Variants in SHB observed in about 807,000 individuals in gnomAD.
SHB encodes the protein SH2 domain containing adaptor protein B, also known as SH2 domain-containing adapter protein B.
A neutral mutation model predicts 52.3 loss-of-function variants in SHB; 20 were observed. The observed-to-expected ratio is 0.38, with a 90% CI of 0.27 to 0.56. SHB has a LOEUF of 0.56. SHB is among the 20% of genes least tolerant of loss of function. SHB has a pLI of 0.71. For synonymous variants in SHB, 397 were observed against 316.5 expected, an observed-to-expected ratio of 1.25 and a Z score of -2.70; for missense variants, 825 against 723.3, an observed-to-expected ratio of 1.14 and a Z score of -1.61.
At chr9:38,012,286 C>T (rs1821150060) in intron 2 of SHB, among the ~76,000 whole-genome samples, 1 of 152,188 alleles carries the variant, frequency 6.6e-6, no homozygotes, top group South Asian at 2.1e-4. Flanking sequence ...GAATGCTCCA[C>T]ATGATGGTTC....
intron 1 of SHB, among the ~76,000 whole-genome samples, chr9:38,055,259 G>A (rs964309382): frequency 5.9e-5 from 9 of 152,254 alleles, no homozygotes; most frequent in South Asian, 2.1e-4. Context: ...AACACTCCAC[G>A]ACTTAATCTT....
chr9:37,967,928 T>G (rs1820548378), intron 3 of SHB, among the ~76,000 whole-genome samples: 1 of 152,206 alleles, frequency 6.6e-6, no homozygotes, highest in Admixed American at 6.5e-5. Context: ...CGGGAGGGAC[T>G]GAGTAAAGAA....
intron 2 of SHB, among the ~76,000 whole-genome samples, chr9:37,987,398 G>A (rs1370795170): frequency 6.6e-6 from 1 of 152,160 alleles, no homozygotes; most frequent in African/African-American, 2.4e-5. Context: ...AAGCAGTCTG[G>A]CTCCAAAGTC....
At chr9:38,009,892 T>C (rs964003752) in intron 2 of SHB, among the ~76,000 whole-genome samples, 1 of 152,284 alleles carries the variant, frequency 6.6e-6, no homozygotes, top group African/African-American at 2.4e-5. Flanking sequence ...AAGGACTTTT[T>C]AATGTGTAAT....
Position 38,068,595 on chromosome 9 carries a change from C to G in SHB, c.51G>C (p.Lys17Asn). 6 of 1,495,004 alleles carry G rather than the reference C, an allele frequency of 4.0e-6. No homozygotes were observed. Among genetic ancestry groups the G allele is most frequent in the Non-Finnish European group, 5.3e-6 (6 of 1,133,654 alleles). 92.6% of individuals were successfully genotyped at this position (1,495,004 alleles called of 1,614,324 possible). A position where few individuals can be genotyped will look rare whatever the true frequency, so the allele number is the denominator to read the frequency against. ...CTGGCCGCGGCGGCTGCGGGGGGCTCTTGGTCTTGCTGTTGCCCAAGCTGA... is the reference window on the plus strand; with the variant it reads ...CTGGCCGCGGCGGCTGCGGGGGGCTGTTGGTCTTGCTGTTGCCCAAGCTGA... ...KYFSLGNSKT[K>N]SPPQPPRPDY... is the part of the protein sequence containing the mutation. The change falls in exon 1 of 6, where the codon AAG (lysine) becomes AAC (asparagine). Residue 17 changes from lysine (K) to asparagine (N), a missense_variant. Lys to Asn is a moderately conservative substitution (Grantham distance 94). Coordinates refer to ENST00000377707, the MANE Select transcript of SHB (RefSeq NM_003028.3).
chr9:37,969,147 G>A (rs1002847246), intron 3 of SHB, among the ~76,000 whole-genome samples: 14 of 152,196 alleles, frequency 9.2e-5, no homozygotes, highest in Admixed American at 1.3e-4. Flanking sequence ...AAGGGCATGC[G>A]ATACCTCTTG....
At chr9:37,958,755 T>C (rs551984883) in intron 3 of SHB, among the ~76,000 whole-genome samples, 1 of 152,316 alleles carries the variant, frequency 6.6e-6, no homozygotes, top group South Asian at 2.1e-4. Context: ...ACCACCAGCA[T>C]CTACCCCTCG....
intron 1 of SHB, among the ~76,000 whole-genome samples, chr9:38,036,700 C>T (rs1472830053): frequency 1.3e-5 from 2 of 152,194 alleles, no homozygotes; most frequent in Non-Finnish European, 2.9e-5. Context: ...CTCCATTGAG[C>T]CACAGGACAG....
intron 2 of SHB, among the ~76,000 whole-genome samples, chr9:37,985,448 C>G (rs1479968829): frequency 6.6e-6 from 1 of 152,242 alleles, no homozygotes; most frequent in Non-Finnish European, 1.5e-5. Flanking sequence ...TCCATTAGCC[C>G]TACCATCACT....
intron 2 of SHB, among the ~76,000 whole-genome samples, chr9:37,998,125 C>T (rs576778742): frequency 2.0e-5 from 3 of 151,826 alleles, no homozygotes; most frequent in South Asian, 2.1e-4. Flanking sequence ...AAGGGGAGCG[C>T]GACGGGGATT....
intron 2 of SHB, among the ~76,000 whole-genome samples, chr9:37,995,463 T>C (rs986542343): frequency 6.6e-6 from 1 of 152,074 alleles, no homozygotes; most frequent in African/African-American, 2.4e-5. Flanking sequence ...TTCCCAGCTC[T>C]GGCCACTGTC....
At position 38,068,377 on chromosome 9, in the gene SHB, C is replaced by T. The variant is rs778965735; in HGVS notation, c.269G>A (p.Arg90Gln). ...CCCGTTGTAGGGGTCCTCGAAGTCTCGCTCCTTCTGCGCGCGGTAGGCGCG... is the reference window on the plus strand; with the variant it reads ...CCCGTTGTAGGGGTCCTCGAAGTCTTGCTCCTTCTGCGCGCGGTAGGCGCG... ...LIRAYRAQKE[R>Q]DFEDPYNGPG... The change falls in exon 1 of 6, where the codon CGA becomes CAA. Residue 90 changes from arginine (R) to glutamine (Q), a missense_variant. Arg to Gln is a conservative substitution (Grantham distance 43). Coordinates refer to ENST00000377707, the MANE Select transcript of SHB (RefSeq NM_003028.3). 5.0e-5 allele frequency: 79 copies of T among 1,576,116 alleles called. No individual in the cohort carries two copies. Among genetic ancestry groups the T allele is most frequent in the Non-Finnish European group, 6.6e-5 (77 of 1,164,632 alleles).
intron 2 of SHB, among the ~76,000 whole-genome samples, chr9:37,997,689 T>G (rs2118031324): frequency 6.6e-6 from 1 of 152,238 alleles, no homozygotes; most frequent in South Asian, 2.1e-4. Context: ...ATCTTTGTGG[T>G]TGGCCTTCTG....
At chr9:37,977,320 G>T (rs115075265) in intron 2 of SHB, among the ~76,000 whole-genome samples, 2,122 of 152,280 alleles carry the variant, frequency 0.014, 42 homozygotes, top group African/African-American at 0.048. Flanking sequence ...GCAAGTGTTG[G>T]AGAGCCACCG....
chr9:38,053,721 A>C (rs1821780200), intron 1 of SHB, among the ~76,000 whole-genome samples: 1 of 152,114 alleles, frequency 6.6e-6, no homozygotes, highest in Non-Finnish European at 1.5e-5. Context: ...GGGCAACCCC[A>C]CTGACTTTAC....
In SHB at chr9:37,916,481, G is replaced by A. The variant is rs1186295467; in HGVS notation, c.*3340C>T. ...TGTTCAGCATCTTACAAAGGGGGCCGCTGGTTCTGGGAATGGGCAGAGGGA... is the reference window on the plus strand; with the variant it reads ...TGTTCAGCATCTTACAAAGGGGGCCACTGGTTCTGGGAATGGGCAGAGGGA... On this transcript the variant is annotated 3_prime_UTR_variant, in exon 6 of 6. Coordinates refer to ENST00000377707, the MANE Select transcript of SHB (RefSeq NM_003028.3). Among the ~76,000 whole-genome samples, 2 of 152,214 alleles carry A rather than the reference G, an allele frequency of 1.3e-5. No individual in the cohort carries two copies. The highest frequency in any genetic ancestry group is 2.9e-5 in the Non-Finnish European group (2 of 68,036).
rs375523272 is a variant in SHB, at chr9:38,056,709, CCAA to C, written c.717+11217_717+11219del. On this transcript the variant is annotated intron_variant, in intron 1 of 5. Coordinates refer to ENST00000377707, the MANE Select transcript of SHB (RefSeq NM_003028.3). ...TTAAATAGAAAACAATTCATTGTAA[CCAA>C]CAACAATTGCCACATATAGAACCAA... Among the ~76,000 whole-genome samples the C allele has an allele frequency of 4.3e-4, 65 of 152,308 alleles. No individual in the cohort carries two copies. In the East Asian group the frequency reaches 0.01, roughly 24 times the overall value.
intron 2 of SHB, among the ~76,000 whole-genome samples, chr9:37,983,780 C>T (rs1350807716): frequency 1.3e-5 from 2 of 152,212 alleles, no homozygotes; most frequent in Non-Finnish European, 2.9e-5. Context: ...GCCCGAGACG[C>T]CAGGGTTGCA....
chr9:37,923,775 G>GGGTC (rs767663564), intron 5 of SHB, among the ~76,000 whole-genome samples: 35 of 152,290 alleles, frequency 2.3e-4, no homozygotes, highest in Admixed American at 9.2e-4. Flanking sequence ...AGCAGCCTGG[G>GGGTC]GGTCACCTCT....
Sources: gnomAD v4.1 joint callset for allele counts (sites outside exome capture counted in the v4.1 genomes callset) on GRCh38, gnomAD v4.1.1 for gene constraint, MANE v1.5 for transcripts, NCBI Gene and HGNC (gene_info 2026-07-23, HGNC 2026-07-21) for gene names.